Variants in SELENOT observed in about 807,000 individuals in gnomAD.
SELENOT encodes the protein selenoprotein T, also known as thioredoxin reductase-like selenoprotein T.
Under a neutral mutation model 24.3 loss-of-function variants are expected in SELENOT, and 9 were observed. The observed-to-expected ratio is 0.37, with a 90% CI of 0.22 to 0.65. The LOEUF (loss-of-function observed/expected upper bound fraction) is 0.65. SELENOT is among the 30% of genes least tolerant of loss of function. The pLI, the probability that SELENOT is intolerant of heterozygous loss-of-function variation, is 0.60. For synonymous variants in SELENOT, 81 were observed against 86.0 expected, an observed-to-expected ratio of 0.94 and a Z score of 0.32; for missense variants, 166 against 247.6, an observed-to-expected ratio of 0.67 and a Z score of 2.21.
intron 1 of SELENOT, among the ~76,000 whole-genome samples, chr3:150,620,894 AT>A: frequency 6.6e-6 from 1 of 152,354 alleles, no homozygotes; most frequent in South Asian, 2.1e-4. Flanking sequence ...TAAAGAAAAG[AT>A]TAATACATTT....
At chr3:150,617,838 T>TGTTTGGTTTGGTTTG (rs71138460) in intron 1 of SELENOT, among the ~76,000 whole-genome samples, 2,335 of 150,870 alleles carry the variant, frequency 0.015, 23 homozygotes, top group Middle Eastern at 0.049. Context: ...CAACTGTTTT[T>TGTTTGGTTTGGTTTG]GTTTGGTTTG....
chr3:150,611,730 AGCCCGGCCTGGCCGCCCCCAGGG>A (rs1205051663), intron 1 of SELENOT: 92 of 1,553,056 alleles, frequency 5.9e-5, no homozygotes, highest in Non-Finnish European at 7.0e-6. Context: ...AGTTGCCAGG[AGCCCGGCCTGGCCGCCCCCAGGG>A]GCCCAGCCGC....
At chr3:150,622,346 A>T in intron 1 of SELENOT, 39 bp from the exon 2 acceptor site, 1 of 1,004,740 alleles carries the variant, frequency 1.0e-6, no homozygotes, top group Non-Finnish European at 1.4e-6. Context: ...ATCTAGATGT[A>T]TGCTAAATGA....
intron 1 of SELENOT, among the ~76,000 whole-genome samples, chr3:150,613,234 A>G (rs181682495): frequency 1.5e-3 from 233 of 152,326 alleles, no homozygotes; most frequent in African/African-American, 5.4e-3. Flanking sequence ...TCATGGTGGA[A>G]GGTCAAAGAG....
At chr3:150,622,684 G>A (rs1321929560) in intron 2 of SELENOT, among the ~76,000 whole-genome samples, 189 bp downstream of exon 2, 1 of 152,170 alleles carries the variant, frequency 6.6e-6, no homozygotes, top group Admixed American at 6.5e-5. Context: ...TAAGAAGGAA[G>A]AGGGTCGTTT....
At chr3:150,624,674 G>A (rs760413448) in intron 3 of SELENOT, 138 bp from the exon 4 acceptor site, 1 of 472,132 alleles carries the variant, frequency 2.1e-6, no homozygotes, top group Non-Finnish European at 3.8e-6. Flanking sequence ...ATTAATATTG[G>A]TTTACTTTTG....
intron 4 of SELENOT, 156 bp from the exon 5 acceptor site, chr3:150,626,854 C>T (rs1016811933): frequency 7.9e-6 from 5 of 631,278 alleles, no homozygotes; most frequent in East Asian, 2.8e-5. Context: ...TGACATTTCC[C>T]CTACTGGAAT....
intron 1 of SELENOT, among the ~76,000 whole-genome samples, chr3:150,612,794 G>T (rs1249424689): frequency 2.0e-5 from 3 of 152,074 alleles, no homozygotes; most frequent in Non-Finnish European, 4.4e-5. Context: ...GTTATATTCT[G>T]CACTAACTTC....
At chr3:150,616,592 A>C (rs1347726231) in intron 1 of SELENOT, among the ~76,000 whole-genome samples, 1 of 152,246 alleles carries the variant, frequency 6.6e-6, no homozygotes, top group Admixed American at 6.5e-5. Context: ...CAAAAAACAC[A>C]TGAAAAAATG....
At chr3:150,620,397 G>C (rs1726312687) in intron 1 of SELENOT, among the ~76,000 whole-genome samples, 1 of 152,108 alleles carries the variant, frequency 6.6e-6, no homozygotes, top group Non-Finnish European at 1.5e-5. Flanking sequence ...GTTAAATTTG[G>C]GGTCTAGTGG....
chr3:150,610,511 A>C (rs1240551109), intron 1 of SELENOT, among the ~76,000 whole-genome samples: 1 of 152,190 alleles, frequency 6.6e-6, no homozygotes, highest in East Asian at 1.9e-4. Context: ...AAAGGATAGA[A>C]TATACATAAT....
chr3:150,621,728 T>C (rs1726349179), intron 1 of SELENOT, among the ~76,000 whole-genome samples: 1 of 151,534 alleles, frequency 6.6e-6, no homozygotes. Context: ...GTCCATATTA[T>C]TGAAAATTAT....
chr3:150,621,752 G>A (rs1445846066), intron 1 of SELENOT, among the ~76,000 whole-genome samples: 2 of 149,328 alleles, frequency 1.3e-5, no homozygotes, highest in Non-Finnish European at 3.0e-5. Flanking sequence ...CCCAATCTTC[G>A]TTTTCCTTGG....
intron 1 of SELENOT, among the ~76,000 whole-genome samples, chr3:150,605,498 CTTTGTT>C (rs1369006690): frequency 1.3e-5 from 2 of 151,960 alleles, no homozygotes; most frequent in African/African-American, 4.8e-5. Context: ...CTTTGTTTTT[CTTTGTT>C]TTTAAGTACA....
At chr3:150,611,444 T>A in intron 1 of SELENOT, 1 of 1,256,606 alleles carries the variant, frequency 8.0e-7, no homozygotes, top group Non-Finnish European at 1.2e-6. Flanking sequence ...CTTTTGTATC[T>A]CCTAAGTGTA....
At chr3:150,616,822 G>C (rs1015571513) in intron 1 of SELENOT, among the ~76,000 whole-genome samples, 20 of 152,320 alleles carry the variant, frequency 1.3e-4, no homozygotes, top group African/African-American at 4.3e-4. Context: ...TGTATTTCTT[G>C]TAGAGACGAG....
Position 150,627,650 on chromosome 3 carries a change from A to G in SELENOT, c.*30-9A>G, listed in dbSNP as rs1726471856. ...CAATAAAATATTCTTTTTTCTGTAT[A>G]TCTTTCAGGCATTAAGGGATCATTG... On this transcript the variant is annotated splice_polypyrimidine_tract_variant and intron_variant, in intron 5 of 5. Transcript: ENST00000471696. The G allele has an allele frequency of 6.5e-6, 1 of 152,856 alleles. No individual in the cohort carries two copies. The highest frequency in any genetic ancestry group is 2.1e-4 in the South Asian group (1 of 4,842). 9.5% of individuals were successfully genotyped at this position (152,856 alleles called of 1,614,324 possible).
At chr3:150,606,933 A>G (rs922825362) in intron 1 of SELENOT, among the ~76,000 whole-genome samples, 1 of 152,110 alleles carries the variant, frequency 6.6e-6, no homozygotes, top group African/African-American at 2.4e-5. Context: ...TGATTTTTAT[A>G]AATTTGTATT....
At chr3:150,611,986 A>C in intron 1 of SELENOT, 1 of 561,656 alleles carries the variant, frequency 1.8e-6, no homozygotes, top group Non-Finnish European at 3.0e-6. Context: ...CAGAACACCA[A>C]CTGGGCCTGC....
Sources: allele counts gnomAD v4.1 joint callset (sites outside exome capture counted in the v4.1 genomes callset), GRCh38; gene constraint gnomAD v4.1.1; transcripts MANE v1.5; gene names NCBI Gene and HGNC (gene_info 2026-07-23, HGNC 2026-07-21).